GNG12: variants seen among roughly 807,000 people sequenced by gnomAD.
The protein encoded by GNG12 is G protein subunit gamma 12, also known as guanine nucleotide-binding protein G(I)/G(S)/G(O) subunit gamma-12.
For synonymous variants in GNG12, 28 were observed against 29.7 expected, an observed-to-expected ratio of 0.94 and a Z score of 0.19; for missense variants, 69 against 83.8, an observed-to-expected ratio of 0.82 and a Z score of 0.69.
At chr1:67,738,798 G>A (rs1045784258) in intron 2 of GNG12, among the ~76,000 whole-genome samples, 1 of 152,184 alleles carries the variant, frequency 6.6e-6, no homozygotes, top group African/African-American at 2.4e-5. Flanking sequence ...AGGATTGCTT[G>A]AGCCTAAGAG....
At chr1:67,706,940 G>A (rs1257135605) in intron 3 of GNG12, among the ~76,000 whole-genome samples, 4 of 152,296 alleles carry the variant, frequency 2.6e-5, no homozygotes, top group Middle Eastern at 3.4e-3. Context: ...GATTACAGGC[G>A]TGAGCCACCG....
At chr1:67,718,053 T>C (rs1646336506) in intron 2 of GNG12, among the ~76,000 whole-genome samples, 1 of 152,238 alleles carries the variant, frequency 6.6e-6, no homozygotes, top group Non-Finnish European at 1.5e-5. Flanking sequence ...GAAAGGCAGA[T>C]GATGCTCTCT....
chr1:67,813,279 G>A (rs1054409978), intron 1 of GNG12, among the ~76,000 whole-genome samples: 1 of 152,164 alleles, frequency 6.6e-6, no homozygotes, highest in African/African-American at 2.4e-5. Flanking sequence ...ATATTTACCA[G>A]GAAGAACCAC....
intron 1 of GNG12, among the ~76,000 whole-genome samples, chr1:67,778,893 T>C (rs576820814): frequency 6.6e-6 from 1 of 152,310 alleles, no homozygotes; most frequent in South Asian, 2.1e-4. Flanking sequence ...TGATGGCAGA[T>C]GGAACAGTTA....
intron 1 of GNG12, among the ~76,000 whole-genome samples, chr1:67,779,916 G>T (rs1646727851): frequency 6.6e-6 from 1 of 152,268 alleles, no homozygotes; most frequent in South Asian, 2.1e-4. Flanking sequence ...TGTGAATACT[G>T]TAGGCAACTA....
chr1:67,788,327 ATTTGTTTTGT>A (rs201675081), intron 1 of GNG12, among the ~76,000 whole-genome samples: 2 of 151,480 alleles, frequency 1.3e-5, no homozygotes, highest in African/African-American at 4.9e-5. Flanking sequence ...AACTTTTTTG[ATTTGTTTTGT>A]TTTGTTTTGT....
At chr1:67,756,531 C>A (rs1361641308) in intron 2 of GNG12, among the ~76,000 whole-genome samples, 1 of 152,202 alleles carries the variant, frequency 6.6e-6, no homozygotes, top group Non-Finnish European at 1.5e-5. Flanking sequence ...ACCAGTTTCC[C>A]ATCTTCTGGG....
At chr1:67,730,288 C>T (rs1646411394) in intron 2 of GNG12, among the ~76,000 whole-genome samples, 1 of 152,130 alleles carries the variant, frequency 6.6e-6, no homozygotes, top group Non-Finnish European at 1.5e-5. Flanking sequence ...TTACATGAGG[C>T]CAGGAGTCCG....
At chr1:67,819,057 T>A (rs536240385) in intron 1 of GNG12, among the ~76,000 whole-genome samples, 1 of 152,100 alleles carries the variant, frequency 6.6e-6, no homozygotes, top group East Asian at 1.9e-4. Flanking sequence ...CTGGTGGCAG[T>A]GTGCAGGGTA....
At chr1:67,707,050 A>T (rs987460439) in intron 3 of GNG12, among the ~76,000 whole-genome samples, 2 of 152,198 alleles carry the variant, frequency 1.3e-5, no homozygotes, top group African/African-American at 4.8e-5. Context: ...AAAGACTTCG[A>T]AGTCAGGTGA....
intron 1 of GNG12, among the ~76,000 whole-genome samples, chr1:67,780,200 C>T (rs1646729501): frequency 6.6e-6 from 1 of 152,204 alleles, no homozygotes; most frequent in East Asian, 1.9e-4. Flanking sequence ...CTTGGTAATC[C>T]TATGAGGAAG....
intron 2 of GNG12, among the ~76,000 whole-genome samples, chr1:67,741,744 T>C (rs1259470153): frequency 1.3e-5 from 2 of 152,266 alleles, no homozygotes; most frequent in Admixed American, 1.3e-4. Context: ...AATTGGCATT[T>C]GGAGGACTGA....
chr1:67,727,968 T>C (rs900545894), intron 2 of GNG12, among the ~76,000 whole-genome samples: 3 of 152,252 alleles, frequency 2.0e-5, no homozygotes, highest in Non-Finnish European at 4.4e-5. Context: ...CTCCTCTTTT[T>C]AGTGTATTTT....
chr1:67,758,289 CTATTG>C (rs1646581719), intron 2 of GNG12, among the ~76,000 whole-genome samples: 1 of 152,172 alleles, frequency 6.6e-6, no homozygotes, highest in Non-Finnish European at 1.5e-5. Flanking sequence ...TTTGGGTTTC[CTATTG>C]CAGCAACACA....
chr1:67,733,824 T>C (rs1042363399), intron 2 of GNG12, among the ~76,000 whole-genome samples: 6 of 152,152 alleles, frequency 3.9e-5, no homozygotes, highest in Admixed American at 3.3e-4. Context: ...TTCCAACAAA[T>C]AGCCCAGGCA....
chr1:67,774,171 C>G (rs779465145), intron 2 of GNG12, among the ~76,000 whole-genome samples: 13 of 152,120 alleles, frequency 8.5e-5, no homozygotes, highest in Admixed American at 5.2e-4. Context: ...TTCCAGCCAC[C>G]GTAAGTCATC....
intron 1 of GNG12, among the ~76,000 whole-genome samples, chr1:67,787,923 G>A (rs941475915): frequency 1.3e-5 from 2 of 152,194 alleles, no homozygotes; most frequent in Non-Finnish European, 2.9e-5. Context: ...TCATGTCCCA[G>A]GAATCCCCTC....
intron 2 of GNG12, among the ~76,000 whole-genome samples, chr1:67,771,301 C>T (rs1034031745): frequency 6.3e-4 from 96 of 152,358 alleles, no homozygotes; most frequent in African/African-American, 2.1e-3. Context: ...GACACTACCT[C>T]ATTCAGTCCC....
intron 2 of GNG12, among the ~76,000 whole-genome samples, chr1:67,710,901 T>G (rs753907671): frequency 6.6e-6 from 1 of 152,136 alleles, no homozygotes; most frequent in Non-Finnish European, 1.5e-5. Context: ...AAGTACAATA[T>G]GTTGAGAATA....
Sources: allele counts gnomAD v4.1 joint callset (sites outside exome capture counted in the v4.1 genomes callset), GRCh38; gene constraint gnomAD v4.1.1; transcripts MANE v1.5; gene names NCBI Gene and HGNC (gene_info 2026-07-23, HGNC 2026-07-21).